CNTNAP2: variants seen among roughly 807,000 people sequenced by gnomAD.
CNTNAP2 encodes the protein contactin associated protein 2, also known as contactin-associated protein-like 2.
Under a neutral mutation model 155.2 loss-of-function variants are expected in CNTNAP2, and 98 were observed. The observed-to-expected ratio is 0.63, with a 90% CI of 0.54 to 0.75. CNTNAP2 has a LOEUF of 0.75. Among genes scored for constraint, CNTNAP2 ranks in the 30% least tolerant of loss-of-function variants. CNTNAP2 has a pLI of 0.00. For synonymous variants in CNTNAP2, 651 were observed against 631.2 expected, an observed-to-expected ratio of 1.03 and a Z score of -0.47; for missense variants, 1,727 against 1,688.1, an observed-to-expected ratio of 1.02 and a Z score of -0.40.
At chr7:146,658,178 G>T (rs577675792) in intron 1 of CNTNAP2, among the ~76,000 whole-genome samples, 1 of 152,128 alleles carries the variant, frequency 6.6e-6, no homozygotes, top group African/African-American at 2.4e-5. Flanking sequence ...TTTGCATAGC[G>T]TCCTCTGCAT....
intron 9 of CNTNAP2, among the ~76,000 whole-genome samples, chr7:147,317,472 T>C (rs1225836934): frequency 6.6e-6 from 1 of 152,228 alleles, no homozygotes; most frequent in Non-Finnish European, 1.5e-5. Context: ...CAGCATCATG[T>C]TGGCCTTCCT....
At chr7:146,839,635 T>C in intron 2 of CNTNAP2, 76 bp from the exon 3 acceptor site, 1 of 1,496,900 alleles carries the variant, frequency 6.7e-7, no homozygotes. Flanking sequence ...TTAAGATATG[T>C]AGAATATTCC....
At chr7:146,457,122 G>T (rs57564673) in intron 1 of CNTNAP2, among the ~76,000 whole-genome samples, 1 of 152,140 alleles carries the variant, frequency 6.6e-6, no homozygotes, top group African/African-American at 2.4e-5. Context: ...GAGAGGATCA[G>T]AATCATCATT....
At chr7:147,461,437 G>T (rs1563213238) in intron 10 of CNTNAP2, among the ~76,000 whole-genome samples, 2 of 151,936 alleles carry the variant, frequency 1.3e-5, no homozygotes, top group Non-Finnish European at 2.9e-5. Context: ...TTTCTGAAGG[G>T]CAATCAGACG....
At chr7:146,494,164 C>G (rs1348227530) in intron 1 of CNTNAP2, among the ~76,000 whole-genome samples, 1 of 152,056 alleles carries the variant, frequency 6.6e-6, no homozygotes, top group Admixed American at 6.6e-5. Flanking sequence ...GAAACGCTGT[C>G]TGTACTAAAA....
chr7:146,439,119 C>T (rs1359034926), intron 1 of CNTNAP2, among the ~76,000 whole-genome samples: 3 of 151,476 alleles, frequency 2.0e-5, no homozygotes, highest in Non-Finnish European at 4.4e-5. Context: ...AACATTAATA[C>T]ATCTGTTCTC....
intron 3 of CNTNAP2, among the ~76,000 whole-genome samples, chr7:146,878,647 T>C (rs1795478031): frequency 1.3e-5 from 2 of 152,156 alleles, no homozygotes; most frequent in African/African-American, 2.4e-5. Context: ...CCTTCATAAA[T>C]TGACAGCGCC....
chr7:147,571,743 C>T (rs1316070223), intron 12 of CNTNAP2, among the ~76,000 whole-genome samples: 1 of 152,004 alleles, frequency 6.6e-6, no homozygotes, highest in Non-Finnish European at 1.5e-5. Context: ...GCTTCTAACC[C>T]CTTCATTTTC....
chr7:147,695,741 G>A (rs1796151833), intron 13 of CNTNAP2, among the ~76,000 whole-genome samples: 1 of 152,166 alleles, frequency 6.6e-6, no homozygotes, highest in African/African-American at 2.4e-5. Flanking sequence ...GGCGAAGGTT[G>A]CAGTGAGCTG....
intron 11 of CNTNAP2, among the ~76,000 whole-genome samples, chr7:147,509,261 C>A (rs1431407363): frequency 6.6e-6 from 1 of 152,146 alleles, no homozygotes; most frequent in Non-Finnish European, 1.5e-5. Flanking sequence ...GCTGTGCAGA[C>A]CGTGTCATAG....
intron 1 of CNTNAP2, among the ~76,000 whole-genome samples, chr7:146,357,506 T>C (rs1795016739): frequency 6.6e-6 from 1 of 152,154 alleles, no homozygotes; most frequent in African/African-American, 2.4e-5. Context: ...AGATATACTC[T>C]TGTCCCTCAT....
intron 13 of CNTNAP2, among the ~76,000 whole-genome samples, chr7:147,781,114 T>C (rs752424637): frequency 2.6e-5 from 4 of 152,204 alleles, no homozygotes; most frequent in Non-Finnish European, 4.4e-5. Context: ...GCCAAGATAA[T>C]GGCAAAAAGG....
intron 10 of CNTNAP2, among the ~76,000 whole-genome samples, chr7:147,462,699 T>G (rs1284923014): frequency 6.6e-6 from 1 of 152,230 alleles, no homozygotes; most frequent in Non-Finnish European, 1.5e-5. Context: ...TGAAATGATT[T>G]ATTTCTATAA....
At chr7:147,033,751 G>C (rs1799090412) in intron 3 of CNTNAP2, among the ~76,000 whole-genome samples, 1 of 150,806 alleles carries the variant, frequency 6.6e-6, no homozygotes, top group African/African-American at 2.4e-5. Flanking sequence ...ATCAGTTAGG[G>C]AGTTAATCAA....
At chr7:146,802,153 C>T (rs186083128) in intron 2 of CNTNAP2, among the ~76,000 whole-genome samples, 97 of 152,256 alleles carry the variant, frequency 6.4e-4, no homozygotes, top group African/African-American at 1.2e-3. Flanking sequence ...CCATGTGGAC[C>T]GGACTGCATT....
At chr7:146,839,567 G>A in intron 2 of CNTNAP2, 144 bp from the exon 3 acceptor site, 1 of 816,232 alleles carries the variant, frequency 1.2e-6, no homozygotes, top group Non-Finnish European at 2.0e-6. Flanking sequence ...AAGTCCCAAT[G>A]GCATCTATAA....
chr7:148,015,216 T>TTA (rs1802156218), intron 15 of CNTNAP2, among the ~76,000 whole-genome samples: 1 of 152,222 alleles, frequency 6.6e-6, no homozygotes, highest in Non-Finnish European at 1.5e-5. Flanking sequence ...AGTATTTTTT[T>TTA]AAAAAAGATG....
chr7:146,537,739 A>G (rs1797891274), intron 1 of CNTNAP2, among the ~76,000 whole-genome samples: 1 of 152,072 alleles, frequency 6.6e-6, no homozygotes, highest in Admixed American at 6.6e-5. Flanking sequence ...TGGAAGAGCA[A>G]ATGCAAGTAA....
Position 146,842,373 on chromosome 7 carries a change from A to C in CNTNAP2, c.402+2469A>C, listed in dbSNP as rs1306802610. Among the ~76,000 whole-genome samples, 3 of 152,012 alleles carry C rather than the reference A, an allele frequency of 2.0e-5. 1 individual carries two copies. Among genetic ancestry groups the C allele is most frequent in the African/African-American group, 7.3e-5 (3 of 41,342 alleles). On this transcript the variant is annotated intron_variant, in intron 3 of 23. Transcript: ENST00000361727. ...GTGTTCACTTTGTTTCTTCCTTTCA[A>C]ATATTGTGTTTCTTATTAAAAATCA...
Sources: allele counts gnomAD v4.1 joint callset (sites outside exome capture counted in the v4.1 genomes callset), GRCh38; gene constraint gnomAD v4.1.1; transcripts MANE v1.5; gene names NCBI Gene and HGNC (gene_info 2026-07-23, HGNC 2026-07-21).